CUTC: variants seen among roughly 807,000 people sequenced by gnomAD.
The protein encoded by CUTC is copper homeostasis protein cutC homolog.
In CUTC, 27 loss-of-function variants were observed where a neutral mutation model predicts 36.2. That is an observed-to-expected ratio of 0.75 (90% confidence interval 0.55 to 1.03). The LOEUF (loss-of-function observed/expected upper bound fraction) is 1.03, where lower values mean the gene tolerates loss of function less well. CUTC is among the 50% of genes least tolerant of loss of function. The pLI is 0.00. For synonymous variants in CUTC, 114 were observed against 118.3 expected, an observed-to-expected ratio of 0.96 and a Z score of 0.24; for missense variants, 315 against 343.5, an observed-to-expected ratio of 0.92 and a Z score of 0.66.
intron 2 of CUTC, among the ~76,000 whole-genome samples, chr10:99,736,632 A>C (rs2037299056): frequency 6.6e-6 from 1 of 152,196 alleles, no homozygotes; most frequent in South Asian, 2.1e-4. Context: ...GAGGAATTTT[A>C]TCTTTTTTAC....
rs1339836493 is a variant in CUTC, at chr10:99,732,257, G to A, written c.-92G>A. The A allele has an allele frequency of 5.9e-6, 9 of 1,530,900 alleles. No homozygotes were observed. Among genetic ancestry groups the A allele is most frequent in the Non-Finnish European group, 7.9e-6 (9 of 1,138,100 alleles). The allele number at this position is 1,530,900 out of a possible 1,614,324, so 94.8% of individuals were successfully genotyped here. ...GTGTCGGGGACGCGCGCACGGGCGCGCGCAGCTGTTGACGCGCTTCTTAGC... is the reference window on the plus strand; with the variant it reads ...GTGTCGGGGACGCGCGCACGGGCGCACGCAGCTGTTGACGCGCTTCTTAGC... On this transcript the variant is annotated 5_prime_UTR_variant, in exon 1 of 9. Coordinates refer to ENST00000370476, the MANE Select transcript of CUTC (RefSeq NM_015960.3).
At chr10:99,749,199 C>T (rs1357125570) in intron 6 of CUTC, among the ~76,000 whole-genome samples, 1 of 152,200 alleles carries the variant, frequency 6.6e-6, no homozygotes, top group Non-Finnish European at 1.5e-5. Flanking sequence ...AGTAGTGTAA[C>T]ATACTAGTTA....
At chr10:99,735,025 C>T (rs533545258) in intron 1 of CUTC, among the ~76,000 whole-genome samples, 9 of 144,678 alleles carry the variant, frequency 6.2e-5, no homozygotes, top group African/African-American at 2.3e-4. Flanking sequence ...TTGCTTGAGC[C>T]TGGGAGGCGG....
intron 6 of CUTC, 80 bp downstream of exon 6, chr10:99,747,470 G>T (rs761992955): frequency 2.0e-6 from 3 of 1,527,178 alleles, no homozygotes; most frequent in East Asian, 4.5e-5. Flanking sequence ...CAGTTTGTGA[G>T]ACTATATATT....
chr10:99,754,976 G>A (rs2037444095), intron 8 of CUTC, among the ~76,000 whole-genome samples: 1 of 72,732 alleles, frequency 1.4e-5, no homozygotes, highest in Non-Finnish European at 2.7e-5. Flanking sequence ...AATAACTATG[G>A]TGTAAGGATG....
In CUTC at chr10:99,747,305, C is replaced by T; in HGVS notation, c.488C>T (p.Thr163Ile). 6.2e-7 allele frequency: 1 copy of T among 1,614,194 alleles called. No individual in the cohort carries two copies. The highest frequency in any genetic ancestry group is 8.5e-7 in the Non-Finnish European group (1 of 1,180,028). ...ATGGCAGCTCTGGAGACCCTCTTAACCTTGGGATTTGAACGCGTGTTGACC... is the reference window on the plus strand; with the variant it reads ...ATGGCAGCTCTGGAGACCCTCTTAATCTTGGGATTTGAACGCGTGTTGACC... ...DPMAALETLL[T>I]LGFERVLTSG... The change falls in exon 6 of 9, where the codon ACC (threonine) becomes ATC (isoleucine). Residue 163 changes from threonine (T) to isoleucine (I), a missense_variant. Transcript: ENST00000370476.
chr10:99,736,526 T>C (rs1389638845), intron 2 of CUTC, among the ~76,000 whole-genome samples: 1 of 152,170 alleles, frequency 6.6e-6, no homozygotes, highest in Non-Finnish European at 1.5e-5. Context: ...GTGTCGACAA[T>C]AGTACTTACT....
chr10:99,736,421 CT>C, intron 2 of CUTC, 104 bp downstream of exon 2: 1 of 779,698 alleles, frequency 1.3e-6, no homozygotes, highest in Non-Finnish European at 2.1e-6. Context: ...CTAAGCATCC[CT>C]CATAATGCTT....
In CUTC at chr10:99,750,411, A is replaced by G. The variant is rs748930582; in HGVS notation, c.601+15A>G. 4.5e-5 allele frequency: 71 copies of G among 1,584,892 alleles called. No homozygotes were observed. The highest frequency in any genetic ancestry group is 5.6e-5 in the Non-Finnish European group (66 of 1,170,058). The stretch of plus-strand genomic sequence containing the variant: ...GGTAATGCCAGGTATTTATTTATCT[A>G]TCAATTCACTAGCATAACACTGAAC... On this transcript the variant is annotated intron_variant, in intron 7 of 8. Transcript: ENST00000370476.
In CUTC at chr10:99,755,421, A is replaced by C. The variant is rs1240980295; in HGVS notation, c.708-204A>C. ...AGGAAGCAAGAGCCTTAGAACTTAC[A>C]ATTCCAGATATAAAATCAAGTATAC... On this transcript the variant is annotated intron_variant, in intron 8 of 8. Coordinates refer to ENST00000370476, the MANE Select transcript of CUTC (RefSeq NM_015960.3). Among the ~76,000 whole-genome samples, 3 of 150,694 alleles carry C rather than the reference A, an allele frequency of 2.0e-5. 1 individual carries two copies. The Admixed American group carries it at 2.0e-4, about 10-fold the overall frequency.
chr10:99,741,755 A>G (rs143080744), intron 3 of CUTC, among the ~76,000 whole-genome samples: 1,937 of 152,212 alleles, frequency 0.013, 48 homozygotes, highest in African/African-American at 0.044. Context: ...TTTGTTTGGT[A>G]GAGATGGAGT....
intron 2 of CUTC, among the ~76,000 whole-genome samples, chr10:99,738,969 CTGTT>C (rs2037319061): frequency 1.3e-5 from 2 of 152,122 alleles, no homozygotes; most frequent in Admixed American, 1.3e-4. Context: ...CCCTCATCCT[CTGTT>C]TGGTTATGCT....
chr10:99,741,900 A>G (rs556164026), intron 3 of CUTC, among the ~76,000 whole-genome samples: 1 of 152,250 alleles, frequency 6.6e-6, no homozygotes, highest in Admixed American at 6.5e-5. Flanking sequence ...TCCTTTTTTT[A>G]AACCATTGAG....
chr10:99,744,059 C>T lies in CUTC; in HGVS notation c.426C>T (p.Val142=). The change falls in exon 5 of 9, where the codon GTC becomes GTT. Residue 142 remains valine, a synonymous_variant. Coordinates refer to ENST00000370476, the MANE Select transcript of CUTC (RefSeq NM_015960.3). The part of the protein sequence containing the change: ...SLMAICRPLP[V]TFHRAFDMVH... ...TAGCTATTTGCCGCCCTCTGCCAGT[C>T]ACTTTCCACCGAGGTGAGTCATTTT... 1 of 1,612,368 alleles carries T rather than the reference C, an allele frequency of 6.2e-7. No individual in the cohort carries two copies. The highest frequency in any genetic ancestry group is 8.5e-7 in the Non-Finnish European group (1 of 1,179,432).
chr10:99,752,576 G>A (rs992414873), intron 7 of CUTC, among the ~76,000 whole-genome samples: 3 of 152,094 alleles, frequency 2.0e-5, no homozygotes, highest in Non-Finnish European at 2.9e-5. Context: ...AATATATATA[G>A]TTTTGACAAG....
chr10:99,737,300 A>T (rs2037305037), intron 2 of CUTC, among the ~76,000 whole-genome samples: 1 of 152,088 alleles, frequency 6.6e-6, no homozygotes, highest in Non-Finnish European at 1.5e-5. Flanking sequence ...AATCCTTCTT[A>T]CTTTGGCAAT....
At chr10:99,752,694 G>A (rs1051800531) in intron 7 of CUTC, among the ~76,000 whole-genome samples, 2 of 152,166 alleles carry the variant, frequency 1.3e-5, no homozygotes, top group Non-Finnish European at 2.9e-5. Flanking sequence ...AAGAAACTAC[G>A]TTCTCAAGAA....
chr10:99,754,923 A>G (rs577166046), intron 8 of CUTC, among the ~76,000 whole-genome samples: 2 of 152,346 alleles, frequency 1.3e-5, no homozygotes, highest in South Asian at 4.1e-4. Context: ...TGAGTCAGAT[A>G]TGCACATGTG....
At chr10:99,746,688 G>GA (rs2037379962) in intron 5 of CUTC, among the ~76,000 whole-genome samples, 1 of 151,958 alleles carries the variant, frequency 6.6e-6, no homozygotes, top group Non-Finnish European at 1.5e-5. Flanking sequence ...CTGGCTCCTA[G>GA]AAAAAAGAGC....
Sources: gnomAD v4.1 joint callset for allele counts (sites outside exome capture counted in the v4.1 genomes callset) on GRCh38, gnomAD v4.1.1 for gene constraint, MANE v1.5 for transcripts, NCBI Gene and HGNC (gene_info 2026-07-23, HGNC 2026-07-21) for gene names.